Variants in SERTM1 observed in about 807,000 individuals in gnomAD.
SERTM1 encodes the protein serine rich and transmembrane domain containing 1, also known as serine-rich and transmembrane domain-containing protein 1.
SERTM1 carries 1 observed loss-of-function variant against 5.5 expected under a neutral mutation model. The observed-to-expected ratio is 0.18, with a 90% CI of 0.06 to 0.86. The LOEUF is 0.86. SERTM1 is among the 40% of genes least tolerant of loss of function. SERTM1 has a pLI of 0.69. For missense variants in SERTM1, 91 were observed against 122.4 expected (o/e 0.74, Z 1.21); for synonymous variants, 52 against 55.1 (o/e 0.94, Z 0.25).
At chr13:36,689,249 T>A (rs568650550) in intron 1 of SERTM1, among the ~76,000 whole-genome samples, 20 of 152,258 alleles carry the variant, frequency 1.3e-4, no homozygotes, top group Non-Finnish European at 2.6e-4. Flanking sequence ...CTCATGCCTG[T>A]AATCCCAGCA....
chr13:36,684,255 C>T (rs1454944115), intron 1 of SERTM1, among the ~76,000 whole-genome samples: 2 of 151,982 alleles, frequency 1.3e-5, no homozygotes, highest in East Asian at 1.9e-4. Context: ...TGAGATCGCA[C>T]CACTGCACTC....
chr13:36,678,681 A>T (rs1404960456), intron 1 of SERTM1, among the ~76,000 whole-genome samples: 2 of 147,314 alleles, frequency 1.4e-5, no homozygotes, highest in African/African-American at 2.5e-5. Flanking sequence ...AATAAAATTT[A>T]TATATATATA....
At chr13:36,688,483 G>A (rs1175262609) in intron 1 of SERTM1, among the ~76,000 whole-genome samples, 1 of 152,182 alleles carries the variant, frequency 6.6e-6, no homozygotes, top group Non-Finnish European at 1.5e-5. Flanking sequence ...AAAGTGCTGG[G>A]ATTACAGGCA....
In SERTM1 at chr13:36,695,071, C is replaced by T. The variant is rs2056804094; in HGVS notation, c.-8C>T. On this transcript the variant is annotated 5_prime_UTR_variant, in exon 2 of 2. Transcript: ENST00000315190. The stretch of plus-strand genomic sequence containing the variant: ...ATCTACCAGATCACTCCTTCACCCT[C>T]CATAAAGATGTCTGAACCTGACACT... 6.2e-7 allele frequency: 1 copy of T among 1,607,508 alleles called. No individual in the cohort carries two copies. The highest frequency in any genetic ancestry group is 1.7e-5 in the Admixed American group (1 of 59,702).
intron 1 of SERTM1, among the ~76,000 whole-genome samples, chr13:36,677,427 G>C (rs567750895): frequency 6.2e-4 from 95 of 152,224 alleles, no homozygotes; most frequent in East Asian, 1.2e-3. Context: ...TATTAAGACA[G>C]GAAATTAGTC....
At chr13:36,691,820 T>C (rs1447528498) in intron 1 of SERTM1, among the ~76,000 whole-genome samples, 1 of 152,186 alleles carries the variant, frequency 6.6e-6, no homozygotes, top group Non-Finnish European at 1.5e-5. Context: ...TGATTTCATT[T>C]CCGCAGTGCA....
intron 1 of SERTM1, among the ~76,000 whole-genome samples, chr13:36,694,281 C>T (rs1329087796): frequency 6.6e-6 from 1 of 152,184 alleles, no homozygotes; most frequent in Non-Finnish European, 1.5e-5. Context: ...GAGAATCTAA[C>T]CTTTGTTCTT....
chr13:36,679,364 C>G (rs78204727), intron 1 of SERTM1, among the ~76,000 whole-genome samples: 1 of 152,244 alleles, frequency 6.6e-6, no homozygotes, highest in East Asian at 1.9e-4. Flanking sequence ...TGCAACTGTA[C>G]TGCTTAGTCA....
chr13:36,679,017 C>T (rs2759324), intron 1 of SERTM1, among the ~76,000 whole-genome samples: 149,859 of 152,234 alleles, frequency 0.98, 73,800 homozygotes, highest in East Asian at 1. Flanking sequence ...TAATACTCTT[C>T]TCCTCAAAAG....
chr13:36,687,114 G>T (rs2056746226), intron 1 of SERTM1, among the ~76,000 whole-genome samples: 1 of 152,148 alleles, frequency 6.6e-6, no homozygotes, highest in Admixed American at 6.5e-5. Flanking sequence ...TGGATGAGAT[G>T]GGCAATTTAC....
intron 1 of SERTM1, among the ~76,000 whole-genome samples, chr13:36,689,887 G>A (rs978596686): frequency 6.6e-6 from 1 of 151,882 alleles, no homozygotes; most frequent in African/African-American, 2.4e-5. Flanking sequence ...GAGTAATCCA[G>A]GTAGACAAAA....
chr13:36,676,058 C>T (rs2056667887), intron 1 of SERTM1, among the ~76,000 whole-genome samples: 1 of 152,110 alleles, frequency 6.6e-6, no homozygotes, highest in Admixed American at 6.6e-5. Context: ...TAGATGTCTA[C>T]GATTTGGACA....
At chr13:36,677,725 T>C (rs1456410596) in intron 1 of SERTM1, among the ~76,000 whole-genome samples, 1 of 152,232 alleles carries the variant, frequency 6.6e-6, no homozygotes, top group Non-Finnish European at 1.5e-5. Flanking sequence ...ATAGCAGCTT[T>C]CCTGGTTAAC....
At chr13:36,683,811 G>C (rs1388599048) in intron 1 of SERTM1, among the ~76,000 whole-genome samples, 1 of 152,170 alleles carries the variant, frequency 6.6e-6, no homozygotes, top group Non-Finnish European at 1.5e-5. Context: ...CCTACGACAG[G>C]CCTACGAGAA....
intron 1 of SERTM1, among the ~76,000 whole-genome samples, chr13:36,681,912 A>G (rs2056707574): frequency 6.6e-6 from 1 of 152,198 alleles, no homozygotes; most frequent in Non-Finnish European, 1.5e-5. Context: ...TGAACAGTTG[A>G]CCAAATAAAA....
chr13:36,685,924 A>C (rs2138090951), intron 1 of SERTM1, among the ~76,000 whole-genome samples: 2 of 152,314 alleles, frequency 1.3e-5, no homozygotes, highest in Middle Eastern at 6.8e-3. Flanking sequence ...ATCTTCTCAC[A>C]GATCACCTAC....
chr13:36,686,672 C>T (rs985257947), intron 1 of SERTM1, among the ~76,000 whole-genome samples: 4 of 152,122 alleles, frequency 2.6e-5, no homozygotes, highest in Non-Finnish European at 5.9e-5. Flanking sequence ...AGAGCAAGAA[C>T]ATTCTCCTAT....
At chr13:36,687,757 ACAC>A (rs2056751353) in intron 1 of SERTM1, among the ~76,000 whole-genome samples, 1 of 152,110 alleles carries the variant, frequency 6.6e-6, no homozygotes. Flanking sequence ...ACACACACAC[ACAC>A]GCACACAACA....
chr13:36,685,753 A>G (rs1328238934), intron 1 of SERTM1, among the ~76,000 whole-genome samples: 1 of 152,192 alleles, frequency 6.6e-6, no homozygotes, highest in Non-Finnish European at 1.5e-5. Flanking sequence ...AAGAGTTGTA[A>G]GGAGTGTGAG....
Sources: allele counts gnomAD v4.1 joint callset (sites outside exome capture counted in the v4.1 genomes callset), GRCh38; gene constraint gnomAD v4.1.1; transcripts MANE v1.5; gene names NCBI Gene and HGNC (gene_info 2026-07-23, HGNC 2026-07-21).